The following DDX60 variants were observed in gnomAD, a reference collection of about 807,000 sequenced individuals.
The protein encoded by DDX60 is DExD/H-box helicase 60.
A neutral mutation model predicts 212.8 loss-of-function variants in DDX60; 165 were observed. The ratio of observed to expected loss-of-function variants is 0.78; its 90% CI spans 0.68 to 0.88. The LOEUF (loss-of-function observed/expected upper bound fraction) is 0.88. Among genes scored for constraint, DDX60 ranks in the 40% least tolerant of loss-of-function variants. DDX60 has a pLI of 0.00. For synonymous variants in DDX60, 703 were observed against 685.3 expected (o/e 1.03, Z -0.40); for missense variants, 1,905 against 2,003.9 (o/e 0.95, Z 0.94).
chr4:168,217,107 G>A (rs1732875010), intron 37 of DDX60, 75 bp from the exon 38 acceptor site: 2 of 903,126 alleles, frequency 2.2e-6, no homozygotes, highest in African/African-American at 3.5e-5. Context: ...CCTTGGTTAG[G>A]CAGAAGTAAG....
intron 28 of DDX60, among the ~76,000 whole-genome samples, chr4:168,250,404 G>T (rs1291253316): frequency 1.3e-5 from 2 of 151,890 alleles, no homozygotes; most frequent in East Asian, 1.9e-4. Context: ...AGCTGGGCAT[G>T]GTGGCACATG....
At chr4:168,254,968 G>A (rs182849039) in intron 26 of DDX60, among the ~76,000 whole-genome samples, 5 of 152,310 alleles carry the variant, frequency 3.3e-5, no homozygotes, top group East Asian at 1.9e-4. Context: ...TCAGCTAAGC[G>A]AGGGCAAAGG....
At chr4:168,277,435 T>A (rs1735389300) in intron 14 of DDX60, among the ~76,000 whole-genome samples, 1 of 152,172 alleles carries the variant, frequency 6.6e-6, no homozygotes, top group African/African-American at 2.4e-5. Context: ...GCTATATATT[T>A]GCCCTTGGGA....
chr4:168,325,326 C>T, the DDX60 span, among the ~76,000 whole-genome samples: 1 of 152,074 alleles, frequency 6.6e-6, no homozygotes, highest in Non-Finnish European at 1.5e-5. Context: ...TCTACAAAGC[C>T]CAGATAATTG....
the DDX60 span, among the ~76,000 whole-genome samples, chr4:168,325,636 C>T: frequency 3.0e-5 from 3 of 100,536 alleles, no homozygotes; most frequent in Middle Eastern, 0.015. Context: ...GATATATCTG[C>T]CACAGGCTTT....
intron 33 of DDX60, among the ~76,000 whole-genome samples, chr4:168,234,655 A>G (rs72971470): frequency 0.028 from 4,256 of 152,112 alleles, 165 homozygotes; most frequent in African/African-American, 0.093. Context: ...TGATTTATGG[A>G]TCTACAATTA....
chr4:168,275,187 A>G (rs580630), intron 16 of DDX60, among the ~76,000 whole-genome samples, 158 bp downstream of exon 16: 8,637 of 152,274 alleles, frequency 0.057, 581 homozygotes, highest in African/African-American at 0.16. Flanking sequence ...CTTTCTTTAA[A>G]TGGGGAAAAA....
At position 168,308,143 on chromosome 4, in the gene DDX60, C is replaced by A; in HGVS notation, c.127G>T (p.Gly43Trp). The stretch of plus-strand genomic sequence containing the variant: ...ATACATGTGATAAGTAATGAATCCC[C>A]ATCAATCAAAAAAAATTCAGATTCA... ...FVESEFFLID[G>W]DSLLITCICE... The change falls in exon 4 of 38, where the codon GGG becomes TGG. Residue 43 changes from glycine (G) to tryptophan (W), a missense_variant. By Grantham distance (184) the Gly-to-Trp change is radical (BLOSUM62 -2). Transcript: ENST00000393743. 1 of 1,596,230 alleles carries A rather than the reference C, an allele frequency of 6.3e-7. No homozygotes were observed. Among genetic ancestry groups the A allele is most frequent in the Non-Finnish European group, 8.5e-7 (1 of 1,171,280 alleles).
chr4:168,280,416 T>C lies in DDX60; in HGVS notation c.1897A>G (p.Ser633Gly). The change falls in exon 14 of 38, where the codon AGC (serine) becomes GGC (glycine). Residue 633 changes from serine (S) to glycine (G), a missense_variant. By Grantham distance (56) the Ser-to-Gly change is moderately conservative. Coordinates refer to ENST00000393743, the MANE Select transcript of DDX60 (RefSeq NM_017631.6). Reference protein sequence around the residue: ...LEDFLKSCKSSCVKLQVEMVG... With the variant: ...LEDFLKSCKSGCVKLQVEMVG... ...ATTTCAACCTGAAGTTTCACACAGC[T>C]ACTTTTACAGGATTTCAAAAAATCT... 6.2e-7 allele frequency: 1 copy of C among 1,614,232 alleles called. No individual in the cohort carries two copies. The highest frequency in any genetic ancestry group is 1.3e-5 in the African/African-American group (1 of 75,074).
intron 15 of DDX60, 55 bp downstream of exon 15, chr4:168,275,960 T>A: frequency 7.0e-7 from 1 of 1,432,954 alleles, no homozygotes; most frequent in South Asian, 1.6e-5. Context: ...TGCAAAACAC[T>A]TTATGTATAC....
intron 17 of DDX60, 47 bp downstream of exon 17, chr4:168,273,887 A>C: frequency 1.9e-6 from 3 of 1,560,694 alleles, no homozygotes; most frequent in Non-Finnish European, 2.6e-6. Context: ...ATTTTTAAAT[A>C]GTAGGTTCAG....
intron 22 of DDX60, among the ~76,000 whole-genome samples, chr4:168,264,091 G>T (rs1172642979): frequency 6.6e-6 from 1 of 152,104 alleles, no homozygotes; most frequent in African/African-American, 2.4e-5. Flanking sequence ...CAACACAGTT[G>T]AAAAAAACTG....
Position 168,293,962 on chromosome 4 carries a change from T to C in DDX60, c.724-17A>G, listed in dbSNP as rs760895679. The C allele has an allele frequency of 4.4e-6, 7 of 1,599,976 alleles. No individual in the cohort carries two copies. Among genetic ancestry groups the C allele is most frequent in the East Asian group, 2.2e-5 (1 of 44,768 alleles). ...CTTGTGTGCCTGTCAAAGAAAAAAA[T>C]TGTAATGTGTCATGCTATTTAGAAA... On this transcript the variant is annotated splice_polypyrimidine_tract_variant and intron_variant, in intron 6 of 37. Transcript: ENST00000393743.
intron 14 of DDX60, among the ~76,000 whole-genome samples, 180 bp downstream of exon 14, chr4:168,280,155 T>C (rs1297691398): frequency 2.6e-5 from 4 of 152,218 alleles, no homozygotes; most frequent in African/African-American, 9.7e-5. Context: ...GCAACCATTG[T>C]GGGTCTTAGA....
chr4:168,275,951 G>T, intron 15 of DDX60, 64 bp downstream of exon 15: 2 of 1,349,206 alleles, frequency 1.5e-6, no homozygotes, highest in Non-Finnish European at 2.0e-6. Flanking sequence ...GACTATCTTT[G>T]CAAAACACTT....
Position 168,276,070 on chromosome 4 carries a change from C to G in DDX60, c.2090G>C (p.Arg697Thr), listed in dbSNP as rs1434848394. ...LQEDDRQLIA[R>T]CLKYLGFDEL... ...ATCAAATCCTAAATACTTAAGGCATCTGGCTATGAGTTGCCGATCATCTTC... is the reference window on the plus strand; with the variant it reads ...ATCAAATCCTAAATACTTAAGGCATGTGGCTATGAGTTGCCGATCATCTTC... The change falls in exon 15 of 38, where the codon AGA becomes ACA. Residue 697 changes from arginine to threonine, a missense_variant. Arg to Thr is a moderately conservative substitution (Grantham distance 71, BLOSUM62 -1). Transcript: ENST00000393743. 1 of 1,613,374 alleles carries G rather than the reference C, an allele frequency of 6.2e-7. No individual in the cohort carries two copies. The highest frequency in any genetic ancestry group is 8.5e-7 in the Non-Finnish European group (1 of 1,179,634).
chr4:168,267,857 C>T lies in DDX60; in HGVS notation c.2913G>A (p.Ser971=), dbSNP rs150252786. 7.4e-6 allele frequency: 12 copies of T among 1,611,312 alleles called. No individual in the cohort carries two copies. The highest frequency in any genetic ancestry group is 2.7e-5 in the African/African-American group (2 of 74,814). The change falls in exon 21 of 38, where the codon TCG becomes TCA. Residue 971 remains serine, a synonymous_variant. Coordinates refer to ENST00000393743, the MANE Select transcript of DDX60 (RefSeq NM_017631.6). ...CAAACATACCAAGTCTAACTTTATACGATTGTTTTACTTGCAAGTAGTCTT... is the reference window on the plus strand; with the variant it reads ...CAAACATACCAAGTCTAACTTTATATGATTGTTTTACTTGCAAGTAGTCTT... ...FPKDYLQVKQ[S]YKVRLVLYGE... is the part of the protein sequence containing the mutation.
Position 168,275,439 on chromosome 4 carries a change from C to A in DDX60, c.2210G>T (p.Arg737Leu), listed in dbSNP as rs574811561. 6.2e-7 allele frequency: 1 copy of A among 1,612,380 alleles called. No individual in the cohort carries two copies. Residue 737 changes from arginine to leucine, a missense_variant, in exon 16 of 38, where the codon CGG becomes CTG. By Grantham distance (102) the Arg-to-Leu change is moderately radical (BLOSUM62 -2). Coordinates refer to ENST00000393743, the MANE Select transcript of DDX60 (RefSeq NM_017631.6). ...ATGGCCCATGTATTGCAGTTGGAAC[C>A]GAGCTGGCCCAATGCCAACTGAATA... ...NKYSVGIGPA[R>L]FQLQYMGHYL...
chr4:168,288,027 C>T, intron 9 of DDX60, 147 bp downstream of exon 9: 1 of 477,412 alleles, frequency 2.1e-6, no homozygotes, highest in South Asian at 4.7e-5. Context: ...CTAATTGCAA[C>T]TAAAATATTA....
Sources: gnomAD v4.1 joint callset for allele counts (sites outside exome capture counted in the v4.1 genomes callset) on GRCh38, gnomAD v4.1.1 for gene constraint, MANE v1.5 for transcripts, NCBI Gene and HGNC (gene_info 2026-07-23, HGNC 2026-07-21) for gene names.